The following SLCO3A1 variants were observed in gnomAD, a reference collection of about 807,000 sequenced individuals.
SLCO3A1 encodes PGE1 transporter.
Under a neutral mutation model 63.1 loss-of-function variants are expected in SLCO3A1, and 27 were observed. The observed-to-expected ratio is 0.43, with a 90% CI of 0.32 to 0.59. The LOEUF is 0.59. Ranked by LOEUF, SLCO3A1 falls within the 20% of genes least tolerant of loss-of-function variation. SLCO3A1 has a pLI of 0.09. For synonymous variants in SLCO3A1, 473 were observed against 409.9 expected, an observed-to-expected ratio of 1.15 and a Z score of -1.86; for missense variants, 773 against 945.8, an observed-to-expected ratio of 0.82 and a Z score of 2.40.
intron 2 of SLCO3A1, among the ~76,000 whole-genome samples, chr15:92,018,944 C>A (rs1333862043): frequency 2.0e-5 from 3 of 152,154 alleles, no homozygotes; most frequent in African/African-American, 4.8e-5. Context: ...GACAAGGTGC[C>A]ATATGGGGAA....
rs368969000 is a variant in SLCO3A1, at chr15:92,143,197, C to T, written c.1513-3787C>T. ...ATTTACGCCTAACTACTCTTTGAGT[C>T]CATATGGTTCTAAGAACTTCAGTCC... On this transcript the variant is annotated intron_variant, in intron 7 of 9. Coordinates refer to ENST00000318445, the MANE Select transcript of SLCO3A1 (RefSeq NM_013272.4). Among the ~76,000 whole-genome samples, 22 of 146,960 alleles carry T rather than the reference C, an allele frequency of 1.5e-4. No individual in the cohort carries two copies. The South Asian group carries it at 4.8e-3, about 32-fold the overall frequency.
At chr15:91,907,891 C>T (rs78401984) in intron 1 of SLCO3A1, among the ~76,000 whole-genome samples, 1 of 152,068 alleles carries the variant, frequency 6.6e-6, no homozygotes, top group African/African-American at 2.4e-5. Flanking sequence ...TCAGAGAGAA[C>T]GATAGTGCCC....
At chr15:92,041,757 G>T (rs1394994371) in intron 2 of SLCO3A1, among the ~76,000 whole-genome samples, 1 of 152,144 alleles carries the variant, frequency 6.6e-6, no homozygotes, top group African/African-American at 2.4e-5. Flanking sequence ...CCAAGGAGAC[G>T]AAATACCATC....
At chr15:92,064,630 C>T (rs1271909632) in intron 2 of SLCO3A1, among the ~76,000 whole-genome samples, 2 of 152,142 alleles carry the variant, frequency 1.3e-5, no homozygotes, top group African/African-American at 4.8e-5. Flanking sequence ...AACATTAGTA[C>T]CCATCAACGG....
Position 91,935,126 on chromosome 15 carries a change from G to T in SLCO3A1, c.646+18668G>T, listed in dbSNP as rs538428653. On this transcript the variant is annotated intron_variant, in intron 2 of 9. Transcript: ENST00000318445. ...GTGCCACCACGCCTGGCTAATTTTT[G>T]TATTTTTAGTAGAGACAGGGTTTCA... 2.6e-5 allele frequency among the ~76,000 whole-genome samples: 4 copies of T among 152,236 alleles called. No homozygotes were observed. In the East Asian group the frequency reaches 7.7e-4, roughly 29 times the overall value.
intron 2 of SLCO3A1, among the ~76,000 whole-genome samples, chr15:92,055,539 A>G (rs998019939): frequency 6.6e-6 from 1 of 151,952 alleles, no homozygotes; most frequent in Admixed American, 6.5e-5. Flanking sequence ...TCCTTTCCTT[A>G]TTCATTCTCA....
At chr15:92,101,625 C>G (rs996610631) in intron 3 of SLCO3A1, among the ~76,000 whole-genome samples, 3 of 152,328 alleles carry the variant, frequency 2.0e-5, no homozygotes, top group Non-Finnish European at 2.9e-5. Flanking sequence ...CTCCCCCGCC[C>G]TCAGGGCAGC....
intron 2 of SLCO3A1, among the ~76,000 whole-genome samples, chr15:92,003,884 C>G (rs900820109): frequency 2.0e-5 from 3 of 152,284 alleles, no homozygotes; most frequent in Non-Finnish European, 4.4e-5. Flanking sequence ...CCTGGCAGTG[C>G]TCCCCATCAG....
chr15:92,053,482 T>G (rs1213115346), intron 2 of SLCO3A1, among the ~76,000 whole-genome samples: 1 of 152,062 alleles, frequency 6.6e-6, no homozygotes, highest in Non-Finnish European at 1.5e-5. Flanking sequence ...GCGTGTAGTT[T>G]TTCGCTAATA....
rs1395652239 is a variant in SLCO3A1 at position 91,912,951 on chromosome 15, A to G, written c.181-3042A>G. ...TTGTTGCCACATTGCATCACCTATT[A>G]TAAACCTCTGGTAAATCATTTATTC... On this transcript the variant is annotated intron_variant, in intron 1 of 9. Coordinates refer to ENST00000318445, the MANE Select transcript of SLCO3A1 (RefSeq NM_013272.4). The surrounding 1 kb of genome is among the most constrained non-coding windows in gnomAD (Gnocchi z 5.0). 1.3e-5 allele frequency among the ~76,000 whole-genome samples: 2 copies of G among 152,182 alleles called. No homozygotes were observed. Among genetic ancestry groups the G allele is most frequent in the Non-Finnish European group, 1.5e-5 (1 of 68,032 alleles).
At chr15:92,120,231 T>C (rs1189873839) in intron 4 of SLCO3A1, among the ~76,000 whole-genome samples, 1 of 152,162 alleles carries the variant, frequency 6.6e-6, no homozygotes, top group African/African-American at 2.4e-5. Flanking sequence ...TCTCCTGTTT[T>C]AGTAGAAGAT....
At chr15:92,122,022 A>G (rs1020334726) in intron 5 of SLCO3A1, among the ~76,000 whole-genome samples, 1 of 152,080 alleles carries the variant, frequency 6.6e-6, no homozygotes, top group Non-Finnish European at 1.5e-5. Flanking sequence ...GGGAGAAAGG[A>G]GAGAGGACAT....
chr15:91,983,290 G>A (rs935467207), intron 2 of SLCO3A1, among the ~76,000 whole-genome samples: 1 of 152,158 alleles, frequency 6.6e-6, no homozygotes, highest in Non-Finnish European at 1.5e-5. Context: ...TAACAAGAAG[G>A]CTTGGTGCAT....
At position 91,865,693 on chromosome 15, in the gene SLCO3A1, T is replaced by C. The variant is rs1897148560; in HGVS notation, c.180+11605T>C. On this transcript the variant is annotated intron_variant, in intron 1 of 9. Coordinates refer to ENST00000318445, the MANE Select transcript of SLCO3A1 (RefSeq NM_013272.4). This position sits in a 1 kb window ranked among gnomAD's most constrained non-coding sequence, Gnocchi z 4.6. ...ACATGGTGTTTCCCCCGCGTCTCTCTCTCTTCTTCTTCTAAGGACACCGGT... is the reference window on the plus strand; with the variant it reads ...ACATGGTGTTTCCCCCGCGTCTCTCCCTCTTCTTCTTCTAAGGACACCGGT... Among the ~76,000 whole-genome samples, 1 of 152,166 alleles carries C rather than the reference T, an allele frequency of 6.6e-6. No homozygotes were observed. The highest frequency in any genetic ancestry group is 1.5e-5 in the Non-Finnish European group (1 of 68,026).
intron 2 of SLCO3A1, among the ~76,000 whole-genome samples, chr15:92,002,841 A>G (rs1324879000): frequency 6.6e-6 from 1 of 152,204 alleles, no homozygotes; most frequent in African/African-American, 2.4e-5. Context: ...TATGCTGATA[A>G]TATTACATGC....
chr15:92,133,570 A>G lies in SLCO3A1; in HGVS notation c.1512+5081A>G, dbSNP rs551314075. 4.1e-5 allele frequency among the ~76,000 whole-genome samples: 6 copies of G among 145,252 alleles called. No homozygotes were observed. The East Asian group carries it at 1.2e-3, about 28-fold the overall frequency. ...CCTGAGCTCTGCCTCCTGTCAGATC[A>G]GCAGTGGCATTGGATTCTTACAGGA... On this transcript the variant is annotated intron_variant, in intron 7 of 9. Transcript: ENST00000318445.
At chr15:92,139,278 T>G (rs1027798788) in intron 7 of SLCO3A1, among the ~76,000 whole-genome samples, 5 of 146,312 alleles carry the variant, frequency 3.4e-5, no homozygotes, top group Non-Finnish European at 7.6e-5. Flanking sequence ...TGGATTACAT[T>G]TATTGATTTG....
intron 1 of SLCO3A1, among the ~76,000 whole-genome samples, chr15:91,887,397 T>TGCC (rs376603574): frequency 0.047 from 7,166 of 151,938 alleles, 306 homozygotes; most frequent in African/African-American, 0.099. Context: ...CCCTCTTTGC[T>TGCC]TGCCTGCCTG....
rs1555446402 is a variant in SLCO3A1, at chr15:91,880,158, C to CTATCT, written c.180+26070_180+26071insTATCT. On this transcript the variant is annotated intron_variant, in intron 1 of 9. Coordinates refer to ENST00000318445, the MANE Select transcript of SLCO3A1 (RefSeq NM_013272.4). ...CCATCCATCCATCCATCCATCCATC[C>CTATCT]ATCCATCCATCCATCTATCTATCTA... Among the ~76,000 whole-genome samples the CTATCT allele has an allele frequency of 3.0e-3, 395 of 130,580 alleles. 5 individuals carry two copies. Among genetic ancestry groups the CTATCT allele is most frequent in the African/African-American group, 0.011 (332 of 29,686 alleles). The allele number at this position is 130,580 out of a possible 152,430, so 85.7% of individuals were successfully genotyped here.
Sources: allele counts gnomAD v4.1 joint callset (sites outside exome capture counted in the v4.1 genomes callset), GRCh38; gene constraint gnomAD v4.1.1; non-coding constraint Gnocchi (gnomAD v3.1); transcripts MANE v1.5; gene names NCBI Gene and HGNC (gene_info 2026-07-23, HGNC 2026-07-21).